The following MTHFD1L variants were observed in gnomAD, a reference collection of about 807,000 sequenced individuals.
MTHFD1L encodes monofunctional C1-tetrahydrofolate synthase, mitochondrial.
Under a neutral mutation model 119.5 loss-of-function variants are expected in MTHFD1L, and 81 were observed. The ratio of observed to expected loss-of-function variants is 0.68; its 90% CI spans 0.57 to 0.82. The LOEUF (loss-of-function observed/expected upper bound fraction) is 0.82. Among genes scored for constraint, MTHFD1L ranks in the 40% least tolerant of loss-of-function variants. MTHFD1L has a pLI of 0.00. For missense variants in MTHFD1L, 1,125 were observed against 1,253.4 expected (o/e 0.90, Z 1.55); for synonymous variants, 430 against 475.2 (o/e 0.90, Z 1.24).
intron 24 of MTHFD1L, among the ~76,000 whole-genome samples, chr6:151,017,464 A>G (rs1201923712): frequency 6.6e-6 from 1 of 151,580 alleles, no homozygotes; most frequent in East Asian, 2.0e-4. Flanking sequence ...CTCCTGCCTC[A>G]GGCTCCCGAG....
chr6:151,025,362 G>A (rs1178174837), intron 24 of MTHFD1L, among the ~76,000 whole-genome samples: 1 of 152,218 alleles, frequency 6.6e-6, no homozygotes, highest in Non-Finnish European at 1.5e-5. Context: ...GGGCAGAGCC[G>A]CTCCCGGGAC....
At chr6:150,986,959 C>T (rs1750943865) in intron 20 of MTHFD1L, among the ~76,000 whole-genome samples, 1 of 152,176 alleles carries the variant, frequency 6.6e-6, no homozygotes, top group Non-Finnish European at 1.5e-5. Context: ...CCCTCAGCCT[C>T]TCAAAGTGCT....
chr6:151,061,258 G>T (rs564488519), intron 26 of MTHFD1L, among the ~76,000 whole-genome samples: 1 of 152,116 alleles, frequency 6.6e-6, no homozygotes. Context: ...GAGCTCAGGC[G>T]CAAGCTTCCA....
At chr6:150,988,119 C>T (rs1383893480) in intron 20 of MTHFD1L, among the ~76,000 whole-genome samples, 2 of 152,078 alleles carry the variant, frequency 1.3e-5, no homozygotes, top group East Asian at 1.9e-4. Flanking sequence ...AAATAAGATC[C>T]TTGTCAAAAC....
chr6:151,092,580 C>A lies in MTHFD1L; in HGVS notation c.*24C>A. The A allele has an allele frequency of 6.3e-7, 1 of 1,587,728 alleles. No individual in the cohort carries two copies. The highest frequency in any genetic ancestry group is 8.6e-7 in the Non-Finnish European group (1 of 1,160,192). On this transcript the variant is annotated 3_prime_UTR_variant, in exon 27 of 28. Transcript: ENST00000367321. Reference sequence around the variant, plus strand: ...AAGTGGACAAGGCTCTCACAGGACCCGATGCAGGTAGGCTGATGTGCTTCA... The same window carrying A: ...AAGTGGACAAGGCTCTCACAGGACCAGATGCAGGTAGGCTGATGTGCTTCA...
chr6:150,978,584 C>A (rs2129034279), intron 20 of MTHFD1L, among the ~76,000 whole-genome samples: 1 of 152,226 alleles, frequency 6.6e-6, no homozygotes, highest in Admixed American at 6.5e-5. Flanking sequence ...CAGAATGAAT[C>A]GACTTAGCAG....
intron 18 of MTHFD1L, among the ~76,000 whole-genome samples, chr6:150,960,681 C>G (rs1054992253): frequency 2.0e-5 from 3 of 152,120 alleles, no homozygotes; most frequent in Non-Finnish European, 2.9e-5. Context: ...CAATCCTGAT[C>G]TCTGCTTCTG....
At chr6:151,038,534 C>T (rs370617702) in intron 26 of MTHFD1L, among the ~76,000 whole-genome samples, 7 of 152,098 alleles carry the variant, frequency 4.6e-5, no homozygotes, top group East Asian at 1.9e-4. Context: ...TGGGGAGCCA[C>T]GGTAGGGTGG....
At position 151,084,691 on chromosome 6, in the gene MTHFD1L, C is replaced by T. The variant is rs1275129272; in HGVS notation, c.2848-7776C>T. Among the ~76,000 whole-genome samples the T allele has an allele frequency of 2.6e-5, 4 of 152,004 alleles. No homozygotes were observed. The South Asian group carries it at 6.2e-4, about 24-fold the overall frequency. On this transcript the variant is annotated intron_variant, in intron 26 of 27. Transcript: ENST00000367321. ...AGAAATATATATTAGACGGGCCGGG[C>T]GTGGTGGCTCATGCCTGTAATCCCA... is the stretch of plus-strand genomic sequence containing the variant.
At chr6:151,005,308 T>G (rs1781227093) in intron 20 of MTHFD1L, among the ~76,000 whole-genome samples, 1 of 152,166 alleles carries the variant, frequency 6.6e-6, no homozygotes, top group Admixed American at 6.5e-5. Flanking sequence ...TTTACTTTCA[T>G]AATTACTGAT....
chr6:151,039,558 T>C lies in MTHFD1L; in HGVS notation c.2847+2441T>C, dbSNP rs4869972. On this transcript the variant is annotated intron_variant, in intron 26 of 27. Transcript: ENST00000367321. The surrounding 1 kb of genome is among the most constrained non-coding windows in gnomAD (Gnocchi z 4.4). ...CTCATGCCACTGTGCCAGGCCTGTG[T>C]ATAATTTAATTATACCTCAGTTAAC... Among the ~76,000 whole-genome samples, 91,667 of 151,864 alleles carry C rather than the reference T, an allele frequency of 0.6. 29,333 individuals are homozygous for C. Among genetic ancestry groups the C allele is most frequent in the Non-Finnish European group, 0.72 (48,793 of 67,872 alleles).
At chr6:150,986,339 A>G (rs932865369) in intron 20 of MTHFD1L, among the ~76,000 whole-genome samples, 1 of 152,250 alleles carries the variant, frequency 6.6e-6, no homozygotes, top group Non-Finnish European at 1.5e-5. Context: ...GAAAAACTCT[A>G]AATTGCATTG....
chr6:151,009,935 A>C lies in MTHFD1L; in HGVS notation c.2242A>C (p.Lys748Gln), dbSNP rs1781987050. The C allele has an allele frequency of 3.1e-6, 5 of 1,610,874 alleles. No individual in the cohort carries two copies. The highest frequency in any genetic ancestry group is 1.7e-5 in the Admixed American group (1 of 59,302). The stretch of plus-strand genomic sequence containing the variant: ...GTTAGTGGCAACGGTGCGAGCTCTG[A>C]AGATGCATGGAGGCGGGCCAAGTGT... ...VVLVATVRAL[K>Q]MHGGGPSVTA... is the part of the protein sequence containing the mutation. Residue 748 changes from lysine to glutamine, a missense_variant, in exon 21 of 28, where the codon AAG becomes CAG. By Grantham distance (53) the Lys-to-Gln change is moderately conservative (BLOSUM62 1). Transcript: ENST00000367321.
At chr6:150,875,490 GTCTC>G (rs747534942) in intron 1 of MTHFD1L, among the ~76,000 whole-genome samples, 11 of 152,056 alleles carry the variant, frequency 7.2e-5, no homozygotes, top group Non-Finnish European at 1.0e-4. Context: ...GAAGCTCTCT[GTCTC>G]TCTCTCTAGG....
intron 7 of MTHFD1L, among the ~76,000 whole-genome samples, chr6:150,892,337 A>C (rs761365901): frequency 6.6e-6 from 1 of 152,204 alleles, no homozygotes; most frequent in Non-Finnish European, 1.5e-5. Flanking sequence ...TACGGGAATA[A>C]ATCACCTTGT....
intron 11 of MTHFD1L, among the ~76,000 whole-genome samples, chr6:150,934,305 A>G (rs925364516): frequency 3.9e-5 from 6 of 152,238 alleles, no homozygotes; most frequent in African/African-American, 1.4e-4. Context: ...TCTAGTTAAC[A>G]TTTATTAATT....
chr6:150,994,314 C>T (rs1018894721), intron 20 of MTHFD1L, among the ~76,000 whole-genome samples: 1 of 152,108 alleles, frequency 6.6e-6, no homozygotes, highest in Admixed American at 6.5e-5. Flanking sequence ...TCCTGGAAAT[C>T]ACATACAACA....
chr6:151,098,074 T>C (rs1416839531), intron 27 of MTHFD1L, among the ~76,000 whole-genome samples: 1 of 152,120 alleles, frequency 6.6e-6, no homozygotes, highest in Admixed American at 6.6e-5. Context: ...CTCAGGAGGC[T>C]GAGGCAGGCA....
At chr6:150,899,350 T>G (rs1784756522) in intron 7 of MTHFD1L, among the ~76,000 whole-genome samples, 1 of 152,112 alleles carries the variant, frequency 6.6e-6, no homozygotes, top group Non-Finnish European at 1.5e-5. Flanking sequence ...TAATCACAGA[T>G]GAGAGTAGAA....
Sources: gnomAD v4.1 joint callset for allele counts (sites outside exome capture counted in the v4.1 genomes callset) on GRCh38, gnomAD v4.1.1 for gene constraint, Gnocchi (gnomAD v3.1) non-coding constraint, MANE v1.5 for transcripts, NCBI Gene and HGNC (gene_info 2026-07-23, HGNC 2026-07-21) for gene names.